The following ROBO2 variants were observed in gnomAD, a reference collection of about 807,000 sequenced individuals.
ROBO2 encodes the protein roundabout guidance receptor 2.
In ROBO2, 53 loss-of-function variants were observed where a neutral mutation model predicts 160.8. The ratio of observed to expected loss-of-function variants is 0.33; its 90% CI spans 0.26 to 0.41. The LOEUF is 0.41. ROBO2 is among the 10% of genes least tolerant of loss of function. The pLI, the probability that ROBO2 is intolerant of heterozygous loss-of-function variation, is 1.00. For synonymous variants in ROBO2, 664 were observed against 611.7 expected, an observed-to-expected ratio of 1.09 and a Z score of -1.26; for missense variants, 1,577 against 1,722.4, an observed-to-expected ratio of 0.92 and a Z score of 1.49.
At position 76,567,830 on chromosome 3, in the gene ROBO2, GGT is replaced by G. The variant is rs1312362624; in HGVS notation, c.110-530183_110-530182del. On this transcript the variant is annotated intron_variant, in intron 2 of 26. Coordinates refer to the ROBO2 transcript ENST00000487694. ...ATATTTTTTTTTTTTTTTTGGGGGG[GGT>G]TGGACAGAGTCTTGCTCTGTTGCCC... is the stretch of plus-strand genomic sequence containing the variant. Among the ~76,000 whole-genome samples the G allele has an allele frequency of 2.7e-4, 37 of 136,538 alleles. 2 individuals are homozygous for G. In the South Asian group the frequency reaches 3.0e-3, roughly 11 times the overall value. The allele number at this position is 136,538 out of a possible 152,430, so 89.6% of individuals were successfully genotyped here. A position where few individuals can be genotyped will look rare whatever the true frequency, so the allele number is the denominator to read the frequency against.
chr3:76,113,982 A>G (rs1010245387), intron 2 of ROBO2, among the ~76,000 whole-genome samples: 1 of 152,178 alleles, frequency 6.6e-6, no homozygotes, highest in Non-Finnish European at 1.5e-5. Context: ...GGCTTCTGCC[A>G]TAAGTAAAAG....
intron 2 of ROBO2, among the ~76,000 whole-genome samples, chr3:76,893,771 T>C (rs1214504750): frequency 2.0e-5 from 3 of 152,082 alleles, no homozygotes; most frequent in Non-Finnish European, 4.4e-5. Context: ...TTATACCTTT[T>C]ATCTAACACT....
At position 76,754,269 on chromosome 3, in the gene ROBO2, C is replaced by T. The variant is rs113661094; in HGVS notation, c.110-343745C>T. ...CCGTTAGAGAAATTAGAATATAAGA[C>T]TGGTTCTGTCAAATAGCTTTTGAAG... On this transcript the variant is annotated intron_variant, in intron 2 of 26. Coordinates refer to the ROBO2 transcript ENST00000487694. 3.4e-3 allele frequency among the ~76,000 whole-genome samples: 514 copies of T among 151,930 alleles called. 2 individuals carry two copies. Among genetic ancestry groups the T allele is most frequent in the African/African-American group, 0.012 (496 of 41,494 alleles).
chr3:76,793,136 C>G (rs2063474835), intron 2 of ROBO2, among the ~76,000 whole-genome samples: 1 of 151,592 alleles, frequency 6.6e-6, no homozygotes, highest in African/African-American at 2.4e-5. Flanking sequence ...AAAAATCACA[C>G]TTCTGTAAGA....
intron 2 of ROBO2, among the ~76,000 whole-genome samples, chr3:76,447,079 G>GA (rs964371048): frequency 9.1e-4 from 139 of 152,224 alleles, no homozygotes; most frequent in African/African-American, 3.0e-3. Flanking sequence ...CACAGCAAAA[G>GA]AAACTATCAT....
Position 77,345,030 on chromosome 3 carries a change from G to A in ROBO2, c.389-132384G>A, listed in dbSNP as rs545385997. Among the ~76,000 whole-genome samples the A allele has an allele frequency of 3.3e-5, 5 of 152,138 alleles. No homozygotes were observed. The South Asian group carries it at 8.3e-4, about 25-fold the overall frequency. Reference sequence around the variant, plus strand: ...CAATAAGCATGTATTAGCCCTTACAGTTTATGTGGGTCAATAATTTGTGGT... The same window carrying A: ...CAATAAGCATGTATTAGCCCTTACAATTTATGTGGGTCAATAATTTGTGGT... On this transcript the variant is annotated intron_variant, in intron 2 of 25. Coordinates refer to ENST00000461745, the Ensembl canonical transcript of ROBO2.
intron 2 of ROBO2, among the ~76,000 whole-genome samples, chr3:76,771,075 T>C (rs1323191383): frequency 6.6e-6 from 1 of 151,342 alleles, no homozygotes; most frequent in Non-Finnish European, 1.5e-5. Flanking sequence ...GCAGTTTTCT[T>C]TTAAAAGACA....
chr3:76,816,869 C>A (rs2065709913), intron 2 of ROBO2, among the ~76,000 whole-genome samples: 1 of 152,030 alleles, frequency 6.6e-6, no homozygotes, highest in Non-Finnish European at 1.5e-5. Context: ...CACATATACA[C>A]CATGGAATAC....
chr3:77,373,118 A>G (rs1031485756), intron 2 of ROBO2, among the ~76,000 whole-genome samples: 2 of 147,184 alleles, frequency 1.4e-5, no homozygotes, highest in African/African-American at 4.9e-5. Flanking sequence ...TAAAATTATT[A>G]TAAAAGTTAT....
At chr3:77,112,869 A>C (rs1434834629) in intron 2 of ROBO2, among the ~76,000 whole-genome samples, 2 of 152,192 alleles carry the variant, frequency 1.3e-5, no homozygotes, top group African/African-American at 2.4e-5. Context: ...AAAAAGTTGC[A>C]TAAAATATGT....
At chr3:76,084,686 C>T (rs2068949438) in intron 2 of ROBO2, among the ~76,000 whole-genome samples, 1 of 152,108 alleles carries the variant, frequency 6.6e-6, no homozygotes, top group South Asian at 2.1e-4. Context: ...TCCATCTTCT[C>T]ATGTCTGTAA....
chr3:77,598,749 T>C (rs887678218), intron 19 of ROBO2, among the ~76,000 whole-genome samples: 3 of 152,080 alleles, frequency 2.0e-5, no homozygotes, highest in African/African-American at 7.2e-5. Flanking sequence ...CACTTTGCCA[T>C]GGGTAGTTTC....
intron 2 of ROBO2, among the ~76,000 whole-genome samples, chr3:76,997,010 A>T (rs2061051947): frequency 6.6e-6 from 1 of 152,178 alleles, no homozygotes; most frequent in South Asian, 2.1e-4. Context: ...GTATTAAGAC[A>T]TAATTAGTGT....
chr3:77,482,727 A>G (rs2084854622), intron 4 of ROBO2, among the ~76,000 whole-genome samples: 1 of 152,198 alleles, frequency 6.6e-6, no homozygotes, highest in South Asian at 2.1e-4. Flanking sequence ...AATGAATAAA[A>G]CACAGTTTTG....
intron 2 of ROBO2, among the ~76,000 whole-genome samples, chr3:76,658,444 G>A (rs1306545602): frequency 1.3e-5 from 2 of 151,834 alleles, no homozygotes; most frequent in South Asian, 2.1e-4. Flanking sequence ...CCATCAACTC[G>A]TCATCTACAT....
At chr3:77,011,247 AGT>A (rs954547158) in intron 2 of ROBO2, among the ~76,000 whole-genome samples, 4 of 151,200 alleles carry the variant, frequency 2.6e-5, no homozygotes, top group African/African-American at 7.3e-5. Context: ...GTAGGAATAT[AGT>A]GTGTTTTGTT....
chr3:77,277,279 T>G (rs1329120864), intron 2 of ROBO2, among the ~76,000 whole-genome samples: 1 of 151,530 alleles, frequency 6.6e-6, no homozygotes, highest in Middle Eastern at 3.2e-3. Context: ...CTTTTAGAGT[T>G]CATTGCATTT....
intron 2 of ROBO2, among the ~76,000 whole-genome samples, chr3:76,396,567 GA>G (rs1461533966): frequency 6.6e-6 from 1 of 152,092 alleles, no homozygotes; most frequent in Admixed American, 6.6e-5. Flanking sequence ...TATATATCTA[GA>G]AAACCCCATT....
In ROBO2 at chr3:77,097,958, C is replaced by T. The variant is rs959946774; in HGVS notation, c.62-56C>T. On this transcript the variant is annotated intron_variant, in intron 1 of 25. Transcript: ENST00000461745. ...TCCCCATCAGGAACCCAAGTGAAACCGAGGGTTTAGATAAGGAAATGTTAA... is the reference window on the plus strand; with the variant it reads ...TCCCCATCAGGAACCCAAGTGAAACTGAGGGTTTAGATAAGGAAATGTTAA... 4.2e-6 allele frequency: 6 copies of T among 1,412,264 alleles called. No homozygotes were observed. In the African/African-American group the frequency reaches 4.3e-5, roughly 10 times the overall value. 87.5% of individuals were successfully genotyped at this position (1,412,264 alleles called of 1,614,324 possible).
Sources: allele counts gnomAD v4.1 joint callset (sites outside exome capture counted in the v4.1 genomes callset), GRCh38; gene constraint gnomAD v4.1.1; transcripts MANE v1.5; gene names NCBI Gene and HGNC (gene_info 2026-07-23, HGNC 2026-07-21).